Variants in FANK1 observed in about 807,000 individuals in gnomAD.
FANK1 encodes fibronectin type III and ankyrin repeat domains 1.
FANK1 carries 44 observed loss-of-function variants against 45.3 expected under a neutral mutation model. The observed-to-expected ratio is 0.97, with a 90% confidence interval of 0.76 to 1.25. The LOEUF (loss-of-function observed/expected upper bound fraction) is 1.25. FANK1 is among the 50% of genes most tolerant of loss of function. The pLI, the probability that FANK1 is intolerant of heterozygous loss-of-function variation, is 0.00. For missense variants in FANK1, 391 were observed against 424.4 expected, an observed-to-expected ratio of 0.92 and a Z score of 0.69; for synonymous variants, 149 against 152.5, an observed-to-expected ratio of 0.98 and a Z score of 0.17.
intron 1 of FANK1, among the ~76,000 whole-genome samples, chr10:125,938,230 G>A (rs1323072701): frequency 6.6e-6 from 1 of 152,086 alleles, no homozygotes; most frequent in Non-Finnish European, 1.5e-5. Context: ...ATGTAAATAT[G>A]GAAGGAAGAA....
Position 125,929,489 on chromosome 10 carries a change from T to G in FANK1, c.13+32834T>G, listed in dbSNP as rs1226446371. Among the ~76,000 whole-genome samples, 3 of 152,304 alleles carry G rather than the reference T, an allele frequency of 2.0e-5. No individual in the cohort carries two copies. The South Asian group carries it at 6.2e-4, about 32-fold the overall frequency. On this transcript the variant is annotated intron_variant, in intron 1 of 10. Coordinates refer to ENST00000368693, the MANE Select transcript of FANK1 (RefSeq NM_145235.5). Reference sequence around the variant, plus strand: ...AACTTCGGAGAAAGCACTGCCTGTATTTGCTGCTTCCCAGGTGCTCTCAGG... The same window carrying G: ...AACTTCGGAGAAAGCACTGCCTGTAGTTGCTGCTTCCCAGGTGCTCTCAGG...
intron 1 of FANK1, among the ~76,000 whole-genome samples, chr10:125,976,760 C>T (rs1449579711): frequency 6.6e-6 from 1 of 152,136 alleles, no homozygotes; most frequent in East Asian, 1.9e-4. Flanking sequence ...GTAGCTGGGA[C>T]TACAGGTGCC....
chr10:125,945,606 A>G (rs1012791123), intron 1 of FANK1, among the ~76,000 whole-genome samples: 3 of 152,184 alleles, frequency 2.0e-5, no homozygotes, highest in African/African-American at 7.2e-5. Context: ...TCCTACGCCC[A>G]CGGAATCTCG....
intron 1 of FANK1, among the ~76,000 whole-genome samples, chr10:125,961,042 T>C (rs1392658273): frequency 6.6e-6 from 1 of 152,164 alleles, no homozygotes; most frequent in Non-Finnish European, 1.5e-5. Flanking sequence ...AACAGACACA[T>C]AGACTAATGG....
intron 2 of FANK1, among the ~76,000 whole-genome samples, chr10:125,982,916 C>CTT (rs4019626): frequency 0.36 from 52,391 of 146,648 alleles, 9,460 homozygotes; most frequent in South Asian, 0.45. Context: ...GACTTTATTC[C>CTT]TTTTTTTTTT....
chr10:125,969,821 G>C (rs1320028529), intron 1 of FANK1, among the ~76,000 whole-genome samples: 1 of 152,068 alleles, frequency 6.6e-6, no homozygotes, highest in African/African-American at 2.4e-5. Flanking sequence ...AGGTATTGGT[G>C]ATGACTCTTA....
intron 6 of FANK1, among the ~76,000 whole-genome samples, chr10:125,998,500 A>T (rs1044493878): frequency 1.3e-5 from 2 of 152,364 alleles, no homozygotes; most frequent in Admixed American, 1.3e-4. Flanking sequence ...GAAAAAAAGT[A>T]TGAGGAGAGT....
At chr10:125,916,945 C>T (rs140106901) in intron 1 of FANK1, among the ~76,000 whole-genome samples, 72 of 151,484 alleles carry the variant, frequency 4.8e-4, no homozygotes, top group African/African-American at 1.6e-3. Flanking sequence ...AACGCTGAAT[C>T]GAATCTGAAT....
intron 1 of FANK1, among the ~76,000 whole-genome samples, chr10:125,952,449 T>G (rs921228270): frequency 2.6e-5 from 4 of 152,134 alleles, no homozygotes; most frequent in Admixed American, 6.5e-5. Flanking sequence ...GTGTGCAGAT[T>G]TCATCTGAAT....
chr10:125,954,099 C>A (rs1409424297), intron 1 of FANK1, among the ~76,000 whole-genome samples: 1 of 152,158 alleles, frequency 6.6e-6, no homozygotes, highest in Non-Finnish European at 1.5e-5. Flanking sequence ...TTGGACCGTA[C>A]AATCTAAGCA....
At chr10:125,936,805 C>T (rs1306923213) in intron 1 of FANK1, among the ~76,000 whole-genome samples, 4 of 152,010 alleles carry the variant, frequency 2.6e-5, no homozygotes, top group South Asian at 2.1e-4. Flanking sequence ...TGGTGGCTCA[C>T]GTCTGTAATC....
chr10:126,008,952 A>G, intron 8 of FANK1, 102 bp from the exon 9 acceptor site: 2 of 1,085,768 alleles, frequency 1.8e-6, no homozygotes, highest in Non-Finnish European at 2.7e-6. Context: ...TTGGGGTTGC[A>G]GGGGGGCTGC....
chr10:125,910,535 C>T (rs1388203636), intron 1 of FANK1, among the ~76,000 whole-genome samples: 2 of 152,314 alleles, frequency 1.3e-5, no homozygotes, highest in South Asian at 2.1e-4. Flanking sequence ...ATTATGTATA[C>T]TGCATTCCTG....
At position 125,983,221 on chromosome 10, in the gene FANK1, GC is replaced by G. The variant is rs1326643683; in HGVS notation, c.191+2886del. ...CCCCTCTCACCCTATTCTTTCTTCT[GC>G]CCTGGTCAGATTTTACCTCCACTGA... On this transcript the variant is annotated intron_variant, in intron 2 of 10. Coordinates refer to ENST00000368693, the MANE Select transcript of FANK1 (RefSeq NM_145235.5). The surrounding 1 kb of genome is among the most constrained non-coding windows in gnomAD (Gnocchi z 4.3). Among the ~76,000 whole-genome samples, 1 of 151,730 alleles carries G rather than the reference GC, an allele frequency of 6.6e-6. No individual in the cohort carries two copies. The highest frequency in any genetic ancestry group is 2.4e-5 in the African/African-American group (1 of 41,266).
chr10:125,918,225 C>T (rs1473194129), intron 1 of FANK1, among the ~76,000 whole-genome samples: 16 of 152,040 alleles, frequency 1.1e-4, no homozygotes, highest in African/African-American at 2.4e-4. Flanking sequence ...TGTACAACAG[C>T]GTGAATGCAC....
intron 1 of FANK1, among the ~76,000 whole-genome samples, chr10:125,922,606 G>A (rs200806648): frequency 6.6e-6 from 1 of 152,082 alleles, no homozygotes; most frequent in East Asian, 1.9e-4. Flanking sequence ...ATTCTCAACC[G>A]GCTAGGCTCA....
chr10:125,907,666 A>G (rs896843609), intron 1 of FANK1, among the ~76,000 whole-genome samples: 2 of 152,042 alleles, frequency 1.3e-5, no homozygotes, highest in African/African-American at 4.8e-5. Context: ...AGAGACATAC[A>G]TTAGGATATG....
intron 1 of FANK1, chr10:125,979,795 GCATTTGTCTCTTGGCTTTGTTAGT>G (rs778683374): frequency 3.4e-5 from 16 of 464,924 alleles, no homozygotes; most frequent in South Asian, 2.5e-4. Context: ...ATCAGATAGA[GCATTTGTCTCTTGGCTTTGTTAGT>G]CACTGAAGGA....
At chr10:125,907,707 A>AT (rs957489060) in intron 1 of FANK1, among the ~76,000 whole-genome samples, 11 of 152,170 alleles carry the variant, frequency 7.2e-5, no homozygotes, top group African/African-American at 2.7e-4. Flanking sequence ...TGCACGCAAG[A>AT]TTCTCCTTGC....
Sources: allele counts gnomAD v4.1 joint callset (sites outside exome capture counted in the v4.1 genomes callset), GRCh38; gene constraint gnomAD v4.1.1; non-coding constraint Gnocchi (gnomAD v3.1); transcripts MANE v1.5; gene names NCBI Gene and HGNC (gene_info 2026-07-23, HGNC 2026-07-21).